The following MRPL44 variants were observed in gnomAD, a reference collection of about 807,000 sequenced individuals.
MRPL44 encodes the protein mitochondrial ribosomal protein L44, also known as large ribosomal subunit protein mL44.
In MRPL44, 21 loss-of-function variants were observed where a neutral mutation model predicts 25.9. The ratio of observed to expected loss-of-function variants is 0.81; its 90% CI spans 0.58 to 1.17. MRPL44 has a LOEUF of 1.17. MRPL44 is among the 50% of genes most tolerant of loss of function. The pLI is 0.00. For missense variants in MRPL44, 410 were observed against 398.9 expected (o/e 1.03, Z -0.24); for synonymous variants, 169 against 151.0 (o/e 1.12, Z -0.87).
intron 2 of MRPL44, among the ~76,000 whole-genome samples, chr2:223,960,612 C>G (rs1208510740): frequency 1.3e-5 from 2 of 152,202 alleles, no homozygotes; most frequent in South Asian, 2.1e-4. Context: ...AGTCTTGATT[C>G]AGGCACCTAT....
chr2:223,962,677 T>G (rs894616419), intron 2 of MRPL44, among the ~76,000 whole-genome samples: 5 of 152,174 alleles, frequency 3.3e-5, no homozygotes, highest in African/African-American at 1.2e-4. Flanking sequence ...TTATGTGAAA[T>G]TATTAAAAGA....
At chr2:223,966,839 G>C in intron 3 of MRPL44, 24 bp from the exon 4 acceptor site, 1 of 1,600,956 alleles carries the variant, frequency 6.2e-7, no homozygotes, top group Non-Finnish European at 8.5e-7. Flanking sequence ...TGTAATTTAA[G>C]ACTACTGTTT....
At chr2:223,964,018 A>T in intron 3 of MRPL44, 84 bp downstream of exon 3, 1 of 1,078,248 alleles carries the variant, frequency 9.3e-7, no homozygotes, top group East Asian at 2.6e-5. Context: ...AACACTCTTC[A>T]CATTCCATAA....
At chr2:223,953,822 T>C (rs1689528161), upstream of MRPL44, among the ~76,000 whole-genome samples, 1 of 152,230 alleles carries the variant, frequency 6.6e-6, no homozygotes, top group South Asian at 2.1e-4. Flanking sequence ...TTTACAATGC[T>C]TTATTTAAAA....
chr2:223,954,467 T>C (rs1689534692), upstream of MRPL44, among the ~76,000 whole-genome samples: 1 of 152,242 alleles, frequency 6.6e-6, no homozygotes, highest in Non-Finnish European at 1.5e-5. Context: ...GCTGGGTGAT[T>C]CTGGCTGAGG....
chr2:223,954,813 T>C (rs571413868), upstream of MRPL44, among the ~76,000 whole-genome samples: 1 of 152,334 alleles, frequency 6.6e-6, no homozygotes, highest in African/African-American at 2.4e-5. Flanking sequence ...GAGAGGGGAA[T>C]GTACAAGGGT....
chr2:223,957,420 G>A (rs1318365426), upstream of MRPL44: 3 of 1,605,790 alleles, frequency 1.9e-6, no homozygotes, highest in Non-Finnish European at 2.6e-6. Flanking sequence ...GTGTGTTACG[G>A]GGACACTGGC....
chr2:223,956,581 G>A (rs1258778320), upstream of MRPL44, among the ~76,000 whole-genome samples: 1 of 152,218 alleles, frequency 6.6e-6, no homozygotes, highest in Non-Finnish European at 1.5e-5. Flanking sequence ...GCACCGAAGA[G>A]GGGGTTTGTC....
chr2:223,967,541 T>C lies in MRPL44; in HGVS notation c.*507T>C, dbSNP rs1367151330. ...AGCCACTATACCCGACCAGATCAAA[T>C]CTTTTTTTGACATTTTTGCAAAAAA... On this transcript the variant is annotated 3_prime_UTR_variant, in exon 4 of 4. Coordinates refer to ENST00000258383, the MANE Select transcript of MRPL44 (RefSeq NM_022915.5). 6.6e-6 allele frequency: 1 copy of C among 152,248 alleles called. No individual in the cohort carries two copies. Among genetic ancestry groups the C allele is most frequent in the African/African-American group, 2.4e-5 (1 of 41,460 alleles). The allele number at this position is 152,248 out of a possible 1,614,324, so 9.4% of individuals were successfully genotyped here. A position where few individuals can be genotyped will look rare whatever the true frequency, so the allele number is the denominator to read the frequency against.
chr2:223,959,248 AAGTT>A (rs1225212566), intron 1 of MRPL44, among the ~76,000 whole-genome samples: 4 of 152,324 alleles, frequency 2.6e-5, no homozygotes, highest in Middle Eastern at 3.4e-3. Flanking sequence ...AGGAACCTAA[AAGTT>A]AGGCTAATGG....
Position 223,957,563 on chromosome 2 carries a change from G to A in MRPL44, c.91G>A (p.Val31Met), listed in dbSNP as rs1325186337. ...CAAGCTGGTCCCTCCGGTTCGGGGAGTGAAGAAGGGATTCCGCGCCGCCTT... is the reference window on the plus strand; with the variant it reads ...CAAGCTGGTCCCTCCGGTTCGGGGAATGAAGAAGGGATTCCGCGCCGCCTT... ...APKLVPPVRG[V>M]KKGFRAAFRF... The change falls in exon 1 of 4, where the codon GTG becomes ATG. Residue 31 changes from valine (V) to methionine (M), a missense_variant. Transcript: ENST00000258383. 6.2e-7 allele frequency: 1 copy of A among 1,613,982 alleles called. No homozygotes were observed.
chr2:223,966,842 T>A (rs1176446187), intron 3 of MRPL44, 21 bp from the exon 4 acceptor site: 1 of 1,603,900 alleles, frequency 6.2e-7, no homozygotes, highest in Admixed American at 1.7e-5. Flanking sequence ...AATTTAAGAC[T>A]ACTGTTTGTT....
Position 223,967,575 on chromosome 2 carries a change from A to G in MRPL44, c.*541A>G, listed in dbSNP as rs1401179250. On this transcript the variant is annotated 3_prime_UTR_variant, in exon 4 of 4. Coordinates refer to ENST00000258383, the MANE Select transcript of MRPL44 (RefSeq NM_022915.5). ...GACATTTTTGCAAAAAAATTTTCCTAATGTTCTTGATTTAATTGTATAGAA... is the reference window on the plus strand; with the variant it reads ...GACATTTTTGCAAAAAAATTTTCCTGATGTTCTTGATTTAATTGTATAGAA... The G allele has an allele frequency of 3.3e-5, 5 of 152,136 alleles. No homozygotes were observed. Among genetic ancestry groups the G allele is most frequent in the African/African-American group, 9.7e-5 (4 of 41,426 alleles). 9.4% of individuals were successfully genotyped at this position (152,136 alleles called of 1,614,324 possible).
upstream of MRPL44, among the ~76,000 whole-genome samples, chr2:223,957,103 T>A (rs1349669418): frequency 6.6e-6 from 1 of 152,254 alleles, no homozygotes; most frequent in Non-Finnish European, 1.5e-5. Flanking sequence ...AGGATTTAAA[T>A]GTTTCCTTAA....
upstream of MRPL44, chr2:223,957,323 C>A (rs73992132): frequency 4.0e-3 from 3,815 of 949,634 alleles, 61 homozygotes; most frequent in African/African-American, 0.04. Context: ...GCTGTCTCCG[C>A]CCCTGCCCTC....
At chr2:223,955,477 T>C (rs1167371555), upstream of MRPL44, among the ~76,000 whole-genome samples, 1 of 152,214 alleles carries the variant, frequency 6.6e-6, no homozygotes, top group Non-Finnish European at 1.5e-5. Flanking sequence ...GAAGGTCCTA[T>C]AGCAGAGCTT....
rs759844256 is a variant in MRPL44 at position 223,957,644 on chromosome 2, G to C, written c.172G>C (p.Val58Leu). Residue 58 changes from valine (V) to leucine (L), a missense_variant, in exon 1 of 4, where the codon GTG becomes CTG. Coordinates refer to ENST00000258383, the MANE Select transcript of MRPL44 (RefSeq NM_022915.5). ...QRLLRCPPPP[V>L]RRSEKPNWDY... is the part of the protein sequence containing the mutation. ...CCTTCTGCGGTGCCCGCCGCCGCCC[G>C]TGCGCCGGTAGGAGCCACCTCGGGA... 1.2e-6 allele frequency: 2 copies of C among 1,606,762 alleles called. No homozygotes were observed.
At chr2:223,956,188 A>AACT (rs1449939391), upstream of MRPL44, among the ~76,000 whole-genome samples, 1 of 152,234 alleles carries the variant, frequency 6.6e-6, no homozygotes, top group Non-Finnish European at 1.5e-5. Context: ...GGTCAATCGT[A>AACT]ACCTCCTTTC....
At chr2:223,951,510 C>T in the MRPL44 span, among the ~76,000 whole-genome samples, 12 of 61,074 alleles carry the variant, frequency 2.0e-4, no homozygotes, top group South Asian at 6.5e-4. Flanking sequence ...GACAGAGTCT[C>T]GCTCTGTGGC....
Sources: gnomAD v4.1 joint callset for allele counts (sites outside exome capture counted in the v4.1 genomes callset) on GRCh38, gnomAD v4.1.1 for gene constraint, MANE v1.5 for transcripts, NCBI Gene and HGNC (gene_info 2026-07-23, HGNC 2026-07-21) for gene names.